NOX4: variants seen among roughly 807,000 people sequenced by gnomAD.
NOX4 encodes NADPH oxidase 4, also known as kidney oxidase-1.
A neutral mutation model predicts 87.6 loss-of-function variants in NOX4; 69 were observed. That is an observed-to-expected ratio of 0.79 (90% confidence interval 0.65 to 0.96). NOX4 has a LOEUF of 0.96. NOX4 is among the 40% of genes least tolerant of loss of function. The pLI is 0.00. For missense variants in NOX4, 680 were observed against 681.5 expected (o/e 1.00, Z 0.02); for synonymous variants, 275 against 238.2 (o/e 1.15, Z -1.42).
chr11:89,465,688 G>A (rs1945657848), intron 2 of NOX4, among the ~76,000 whole-genome samples: 1 of 152,096 alleles, frequency 6.6e-6, no homozygotes, highest in African/African-American at 2.4e-5. Flanking sequence ...GGTGTGAGAT[G>A]GTATCTCATT....
the NOX4 span, among the ~76,000 whole-genome samples, chr11:89,584,929 A>G: frequency 1.3e-5 from 2 of 152,158 alleles, no homozygotes; most frequent in Non-Finnish European, 2.9e-5. Flanking sequence ...TTTGTGGTCT[A>G]GCAATCCTTG....
At chr11:89,363,624 A>T (rs1162947339) in intron 12 of NOX4, among the ~76,000 whole-genome samples, 1 of 152,090 alleles carries the variant, frequency 6.6e-6, no homozygotes, top group Non-Finnish European at 1.5e-5. Context: ...GTTTGTCAAA[A>T]TTTGGTATTT....
intron 2 of NOX4, among the ~76,000 whole-genome samples, chr11:89,485,595 C>CA (rs1480827428): frequency 1.3e-5 from 2 of 151,602 alleles, no homozygotes; most frequent in African/African-American, 4.8e-5. Context: ...CCAATATTTC[C>CA]AAAAAAAGAA....
chr11:89,475,264 AT>A (rs1222563121), intron 2 of NOX4, among the ~76,000 whole-genome samples: 1 of 151,994 alleles, frequency 6.6e-6, no homozygotes, highest in Non-Finnish European at 1.5e-5. Flanking sequence ...ACATTTTTTA[AT>A]TTTCCCCTAT....
chr11:89,428,395 A>C (rs1943570594), intron 7 of NOX4, among the ~76,000 whole-genome samples: 1 of 152,190 alleles, frequency 6.6e-6, no homozygotes, highest in Non-Finnish European at 1.5e-5. Context: ...AAATAGACTA[A>C]ATGTTCCAAT....
intron 13 of NOX4, among the ~76,000 whole-genome samples, chr11:89,346,320 A>G (rs897855659): frequency 3.9e-5 from 6 of 152,206 alleles, no homozygotes; most frequent in Non-Finnish European, 5.9e-5. Context: ...GTCTGTAAGG[A>G]TAAAAGTTCT....
At chr11:89,444,274 T>C (rs764591152) in intron 4 of NOX4, 42 bp from the exon 5 acceptor site, 10 of 1,522,626 alleles carry the variant, frequency 6.6e-6, no homozygotes, top group East Asian at 2.3e-5. Context: ...GATTTGCATA[T>C]ATGCTCTATG....
At chr11:89,565,725 A>T in the NOX4 span, among the ~76,000 whole-genome samples, 1 of 150,544 alleles carries the variant, frequency 6.6e-6, no homozygotes, top group Admixed American at 6.6e-5. Flanking sequence ...TTAAAGTATA[A>T]TAAAAAAAAA....
At chr11:89,574,197 C>T in the NOX4 span, among the ~76,000 whole-genome samples, 3 of 152,148 alleles carry the variant, frequency 2.0e-5, no homozygotes, top group African/African-American at 7.2e-5. Context: ...ACAGCCCTCT[C>T]CTGCCATGCT....
At chr11:89,486,091 T>A (rs930557201) in intron 2 of NOX4, among the ~76,000 whole-genome samples, 41 of 151,682 alleles carry the variant, frequency 2.7e-4, no homozygotes, top group Non-Finnish European at 5.0e-4. Context: ...TCGTATGTAT[T>A]TTTTTTACTC....
In NOX4 at chr11:89,325,229, A is replaced by T. The variant is rs1479453115; in HGVS notation, c.*1527T>A. The T allele has an allele frequency of 3.5e-5, 5 of 142,468 alleles. No individual in the cohort carries two copies. The highest frequency in any genetic ancestry group is 1.3e-4 in the African/African-American group (5 of 37,752). 8.8% of individuals were successfully genotyped at this position (142,468 alleles called of 1,614,324 possible). On this transcript the variant is annotated 3_prime_UTR_variant, in exon 18 of 18. Transcript: ENST00000263317. Reference sequence around the variant, plus strand: ...AACCTCCGCCCACCGGGTTCAAGCGATTCTTTGCCTCAGTCTCCCGAGTAG... The same window carrying T: ...AACCTCCGCCCACCGGGTTCAAGCGTTTCTTTGCCTCAGTCTCCCGAGTAG...
At chr11:89,348,790 G>A (rs183208471) in intron 13 of NOX4, among the ~76,000 whole-genome samples, 2 of 152,042 alleles carry the variant, frequency 1.3e-5, no homozygotes, top group Admixed American at 1.3e-4. Flanking sequence ...AATTTGAGGG[G>A]CCAAACAAAT....
the NOX4 span, among the ~76,000 whole-genome samples, chr11:89,584,075 C>G: frequency 6.6e-6 from 1 of 152,114 alleles, no homozygotes; most frequent in African/African-American, 2.4e-5. Flanking sequence ...AACACAGTCT[C>G]TCCTCTTGGG....
chr11:89,371,609 G>T (rs1939448841), intron 12 of NOX4, among the ~76,000 whole-genome samples: 1 of 151,378 alleles, frequency 6.6e-6, no homozygotes, highest in African/African-American at 2.4e-5. Flanking sequence ...ATTCATGACT[G>T]AATTTAATTC....
At position 89,446,982 on chromosome 11, in the gene NOX4, A is replaced by G. The variant is rs138035234; in HGVS notation, c.349+2458T>C. Among the ~76,000 whole-genome samples, 39 of 152,256 alleles carry G rather than the reference A, an allele frequency of 2.6e-4. No homozygotes were observed. In the East Asian group the frequency reaches 7.1e-3, roughly 28 times the overall value. ...GGCTATACATGCATGAGGACAAATG[A>G]TATACAAAAACTCTCTATATCTTCC... On this transcript the variant is annotated intron_variant, in intron 4 of 17. Coordinates refer to ENST00000263317, the MANE Select transcript of NOX4 (RefSeq NM_016931.5).
chr11:89,342,776 G>A (rs925014823), intron 13 of NOX4, among the ~76,000 whole-genome samples: 1 of 152,110 alleles, frequency 6.6e-6, no homozygotes, highest in Admixed American at 6.6e-5. Context: ...AGGAAGCTCT[G>A]CAGCTCTAAT....
At chr11:89,530,761 C>T in the NOX4 span, among the ~76,000 whole-genome samples, 1 of 151,972 alleles carries the variant, frequency 6.6e-6, no homozygotes, top group Middle Eastern at 3.2e-3. Context: ...GGGGTAGGTT[C>T]CTGATACAAG....
intron 13 of NOX4, among the ~76,000 whole-genome samples, chr11:89,350,131 C>T (rs1469938687): frequency 6.6e-6 from 1 of 152,132 alleles, no homozygotes; most frequent in African/African-American, 2.4e-5. Flanking sequence ...GGAGCAATGT[C>T]TACAATTACA....
intron 11 of NOX4, among the ~76,000 whole-genome samples, chr11:89,387,258 C>T (rs1356334862): frequency 6.6e-6 from 1 of 152,106 alleles, no homozygotes; most frequent in Non-Finnish European, 1.5e-5. Flanking sequence ...TGAAGAGTCA[C>T]AGACTAAGTG....
Sources: gnomAD v4.1 joint callset for allele counts (sites outside exome capture counted in the v4.1 genomes callset) on GRCh38, gnomAD v4.1.1 for gene constraint, MANE v1.5 for transcripts, NCBI Gene and HGNC (gene_info 2026-07-23, HGNC 2026-07-21) for gene names.